TRPM7: variants seen among roughly 807,000 people sequenced by gnomAD.
The protein encoded by TRPM7 is LTRPC ion channel family member 7.
In TRPM7, 134 loss-of-function variants were observed where a neutral mutation model predicts 229.7. The observed-to-expected ratio is 0.58, with a 90% CI of 0.51 to 0.67. The LOEUF (loss-of-function observed/expected upper bound fraction) is 0.67. TRPM7 is among the 30% of genes least tolerant of loss of function. TRPM7 has a pLI of 0.00. For missense variants in TRPM7, 1,901 were observed against 2,210.0 expected, an observed-to-expected ratio of 0.86 and a Z score of 2.80; for synonymous variants, 699 against 715.2, an observed-to-expected ratio of 0.98 and a Z score of 0.36.
chr15:50,597,853 A>G (rs1241778529), intron 22 of TRPM7, among the ~76,000 whole-genome samples: 1 of 152,040 alleles, frequency 6.6e-6, no homozygotes, highest in Non-Finnish European at 1.5e-5. Context: ...TGGAAGACAG[A>G]GGTTGCAGTG....
In TRPM7 at chr15:50,592,396, T is replaced by C. The variant is rs1304135313; in HGVS notation, c.3839A>G (p.Asp1280Gly). The change falls in exon 26 of 39, where the codon GAT (aspartate) becomes GGT (glycine). Residue 1280 changes from aspartate (D) to glycine (G), a missense_variant. Physicochemically the swap from Asp to Gly is moderately conservative, Grantham distance 94. This residue lies in a region of TRPM7 where 533 missense variants were observed against 497.1 expected (regional missense o/e 1.07). Transcript: ENST00000646667. ...ISKHLAQNLI[D>G]DGPVRPSVWK... Reference sequence around the variant, plus strand: ...TACAGAAGGTCTTACAGGACCATCATCAATAAGGTTTTGAGCCAAGTGTTT... The same window carrying C: ...TACAGAAGGTCTTACAGGACCATCACCAATAAGGTTTTGAGCCAAGTGTTT... The C allele has an allele frequency of 6.2e-7, 1 of 1,614,188 alleles. No homozygotes were observed. Among genetic ancestry groups the C allele is most frequent in the South Asian group, 1.1e-5 (1 of 91,082 alleles).
chr15:50,617,184 T>A (rs888906443), intron 13 of TRPM7, among the ~76,000 whole-genome samples: 14 of 146,766 alleles, frequency 9.5e-5, no homozygotes, highest in South Asian at 2.2e-4. Context: ...ATAAATAAAA[T>A]AAATTAGCCA....
intron 8 of TRPM7, 48 bp from the exon 9 acceptor site, chr15:50,633,040 G>C: frequency 6.5e-7 from 1 of 1,531,644 alleles, no homozygotes; most frequent in Non-Finnish European, 8.7e-7. Context: ...TCCATTATTT[G>C]TAGGATCAAT....
Position 50,560,292 on chromosome 15 carries a change from A to G in TRPM7, c.*1386T>C, listed in dbSNP as rs149463399. 0.027 allele frequency: 4,081 copies of G among 152,680 alleles called. 87 individuals are homozygous for G. Among genetic ancestry groups the G allele is most frequent in the Non-Finnish European group, 0.039 (2,667 of 68,002 alleles). 9.5% of individuals were successfully genotyped at this position (152,680 alleles called of 1,614,324 possible). On this transcript the variant is annotated 3_prime_UTR_variant, in exon 39 of 39. Coordinates refer to ENST00000646667, the MANE Select transcript of TRPM7 (RefSeq NM_017672.6). ...TTCAGAATGATTAAACTCACTAAAC[A>G]TCTGTAAACAATAAATTTATTTCAT...
chr15:50,647,569 C>A (rs972449410), intron 4 of TRPM7, among the ~76,000 whole-genome samples: 1 of 152,066 alleles, frequency 6.6e-6, no homozygotes, highest in Non-Finnish European at 1.5e-5. Context: ...CACAATGAAA[C>A]CCTGTCTCTA....
intron 38 of TRPM7, among the ~76,000 whole-genome samples, chr15:50,568,949 C>T (rs1019387681): frequency 2.0e-5 from 3 of 152,160 alleles, no homozygotes; most frequent in African/African-American, 7.2e-5. Context: ...CACCACTGCA[C>T]TCCAGCCTGA....
intron 3 of TRPM7, among the ~76,000 whole-genome samples, chr15:50,653,443 T>TAGA (rs896832149): frequency 7.2e-5 from 11 of 152,364 alleles, no homozygotes; most frequent in African/African-American, 2.6e-4. Flanking sequence ...TGATTCATTC[T>TAGA]AGCTAATCAT....
intron 3 of TRPM7, among the ~76,000 whole-genome samples, chr15:50,656,306 T>A (rs1196629180): frequency 6.7e-6 from 1 of 149,986 alleles, no homozygotes; most frequent in Non-Finnish European, 1.5e-5. Flanking sequence ...TTTTTGTTTG[T>A]TTTTTTTTCT....
At chr15:50,578,689 T>G in intron 30 of TRPM7, 25 bp from the exon 31 acceptor site, 1 of 1,577,110 alleles carries the variant, frequency 6.3e-7, no homozygotes, top group Non-Finnish European at 8.6e-7. Context: ...AAAAATATAG[T>G]ATAAGCTGTG....
chr15:50,641,156 T>C (rs1366377848), intron 5 of TRPM7, among the ~76,000 whole-genome samples: 3 of 152,194 alleles, frequency 2.0e-5, no homozygotes, highest in Non-Finnish European at 4.4e-5. Flanking sequence ...GAGTGATCTT[T>C]GCAGCTGTTG....
At position 50,644,633 on chromosome 15, in the gene TRPM7, T is replaced by C. The variant is rs978097773; in HGVS notation, c.322-1080A>G. Among the ~76,000 whole-genome samples, 4 of 151,840 alleles carry C rather than the reference T, an allele frequency of 2.6e-5. No individual in the cohort carries two copies. In the South Asian group the frequency reaches 8.3e-4, roughly 32 times the overall value. On this transcript the variant is annotated intron_variant, in intron 4 of 38. Coordinates refer to ENST00000646667, the MANE Select transcript of TRPM7 (RefSeq NM_017672.6). ...GCCTGACCAACATGGTGAAACCCCG[T>C]CTCTACTAAATACAAAAAAATTAGC...
intron 2 of TRPM7, among the ~76,000 whole-genome samples, chr15:50,661,772 G>A (rs563756029): frequency 3.3e-5 from 5 of 152,246 alleles, no homozygotes; most frequent in Admixed American, 2.0e-4. Context: ...GACAGGAGAC[G>A]GAAAAGGAAG....
At chr15:50,644,560 T>C (rs573329053) in intron 4 of TRPM7, among the ~76,000 whole-genome samples, 48 of 152,180 alleles carry the variant, frequency 3.2e-4, no homozygotes, top group Non-Finnish European at 6.0e-4. Flanking sequence ...CCCAGCACTG[T>C]GGGAGGCCAA....
intron 38 of TRPM7, among the ~76,000 whole-genome samples, chr15:50,562,331 T>C (rs2053353923): frequency 6.6e-6 from 1 of 152,074 alleles, no homozygotes; most frequent in African/African-American, 2.4e-5. Context: ...AATAATTACA[T>C]ATTGACCATG....
chr15:50,576,455 G>A (rs80083811), intron 31 of TRPM7, among the ~76,000 whole-genome samples: 2,215 of 152,220 alleles, frequency 0.015, 59 homozygotes, highest in African/African-American at 0.051. Context: ...CTGTCTTGCA[G>A]GAAAAGGAAG....
chr15:50,644,451 A>T lies in TRPM7; in HGVS notation c.322-898T>A, dbSNP rs2061198790. Among the ~76,000 whole-genome samples the T allele has an allele frequency of 3.3e-5, 5 of 152,202 alleles. No individual in the cohort carries two copies. In the South Asian group the frequency reaches 1.0e-3, roughly 31 times the overall value. On this transcript the variant is annotated intron_variant, in intron 4 of 38. Transcript: ENST00000646667. ...AGAAACCTTATTTGCAAAATGATGT[A>T]TTTCCCATTCCTTTACAAAGATCAA...
chr15:50,640,717 T>C (rs2061076369), intron 5 of TRPM7, among the ~76,000 whole-genome samples: 1 of 152,134 alleles, frequency 6.6e-6, no homozygotes, highest in Non-Finnish European at 1.5e-5. Context: ...GGCAGGGCCT[T>C]TAAATATGTG....
intron 1 of TRPM7, among the ~76,000 whole-genome samples, chr15:50,681,065 A>C (rs2140985440): frequency 1.3e-5 from 2 of 152,280 alleles, no homozygotes; most frequent in Middle Eastern, 6.8e-3. Flanking sequence ...AGCCTGACCA[A>C]CATGGTGAAA....
At chr15:50,648,624 A>T in intron 4 of TRPM7, 63 bp downstream of exon 4, 2 of 1,454,790 alleles carry the variant, frequency 1.4e-6, no homozygotes, top group Non-Finnish European at 1.9e-6. Context: ...ATTGCTACAC[A>T]AATTGTGATG....
Sources: allele counts gnomAD v4.1 joint callset (sites outside exome capture counted in the v4.1 genomes callset), GRCh38; gene constraint gnomAD v4.1.1; regional missense constraint gnomAD v4.1.1; transcripts MANE v1.5; gene names NCBI Gene and HGNC (gene_info 2026-07-23, HGNC 2026-07-21).